Variants in CSMD3 observed in about 807,000 individuals in gnomAD.
CSMD3 encodes the protein CUB and sushi domain-containing protein 3.
Under a neutral mutation model 435.2 loss-of-function variants are expected in CSMD3, and 177 were observed. The observed-to-expected ratio is 0.41, with a 90% CI of 0.36 to 0.46. CSMD3 has a LOEUF of 0.46. CSMD3 is among the 20% of genes least tolerant of loss of function. CSMD3 has a pLI of 0.34. For synonymous variants in CSMD3, 1,656 were observed against 1,520.5 expected (o/e 1.09, Z -2.07); for missense variants, 4,265 against 4,504.6 (o/e 0.95, Z 1.52).
chr8:113,247,149 C>T (rs2093284270), intron 3 of CSMD3, among the ~76,000 whole-genome samples: 1 of 152,180 alleles, frequency 6.6e-6, no homozygotes. Flanking sequence ...TGACTAGTCT[C>T]TTGTTTGTTC....
At chr8:113,323,990 G>A (rs1260384378) in intron 1 of CSMD3, among the ~76,000 whole-genome samples, 1 of 152,110 alleles carries the variant, frequency 6.6e-6, no homozygotes, top group East Asian at 1.9e-4. Flanking sequence ...TGGTTTGGCT[G>A]TGTCCCCACC....
intron 34 of CSMD3, 130 bp downstream of exon 34, chr8:112,408,188 G>C (rs1832026780): frequency 2.8e-6 from 2 of 707,176 alleles, no homozygotes; most frequent in South Asian, 3.0e-5. Flanking sequence ...TCTAGTGATG[G>C]TGGAGGGGAC....
intron 70 of CSMD3, among the ~76,000 whole-genome samples, chr8:112,227,205 T>G (rs1435801281): frequency 6.6e-6 from 1 of 152,178 alleles, no homozygotes; most frequent in African/African-American, 2.4e-5. Flanking sequence ...GACACATTCA[T>G]CCATACAATG....
chr8:113,056,223 G>A (rs942111318), intron 5 of CSMD3, among the ~76,000 whole-genome samples: 12 of 152,228 alleles, frequency 7.9e-5, no homozygotes, highest in Middle Eastern at 3.4e-3. Flanking sequence ...CTGTCTACAC[G>A]AAAACACTTA....
At chr8:113,356,743 C>T (rs10109225) in intron 1 of CSMD3, among the ~76,000 whole-genome samples, 3,214 of 152,158 alleles carry the variant, frequency 0.021, 128 homozygotes, top group African/African-American at 0.074. Flanking sequence ...CCAAGGTACA[C>T]TTCCATTCAG....
chr8:112,752,900 C>CGTGTGTGT (rs10617885), intron 13 of CSMD3, among the ~76,000 whole-genome samples: 5 of 146,498 alleles, frequency 3.4e-5, no homozygotes, highest in African/African-American at 5.0e-5. Context: ...TTTGTTACCG[C>CGTGTGTGT]GTGTGTGTGT....
At chr8:112,682,694 T>A (rs751898505) in intron 15 of CSMD3, 58 bp from the exon 16 acceptor site, 3 of 1,145,390 alleles carry the variant, frequency 2.6e-6, no homozygotes, top group East Asian at 2.3e-5. Flanking sequence ...CAGAGAGAGA[T>A]CCTTCTATAT....
At chr8:113,083,231 C>A (rs2089634284) in intron 5 of CSMD3, among the ~76,000 whole-genome samples, 1 of 151,892 alleles carries the variant, frequency 6.6e-6, no homozygotes, top group Admixed American at 6.6e-5. Context: ...AGAGAGAATT[C>A]TAAAACAGCA....
At chr8:112,342,753 T>A (rs1388964) in intron 41 of CSMD3, among the ~76,000 whole-genome samples, 28,313 of 151,654 alleles carry the variant, frequency 0.19, 3,124 homozygotes, top group Middle Eastern at 0.35. Flanking sequence ...CTTGGACAAA[T>A]AAGCTTTGGA....
At chr8:112,961,731 T>C (rs1287735255) in intron 7 of CSMD3, among the ~76,000 whole-genome samples, 1 of 151,906 alleles carries the variant, frequency 6.6e-6, no homozygotes, top group Non-Finnish European at 1.5e-5. Flanking sequence ...TGCAAAACTA[T>C]ATAAAAAATC....
At chr8:112,295,494 G>A (rs1397863134) in intron 54 of CSMD3, among the ~76,000 whole-genome samples, 1 of 151,940 alleles carries the variant, frequency 6.6e-6, no homozygotes, top group African/African-American at 2.4e-5. Flanking sequence ...CCTTGATACA[G>A]CTACACAGTG....
At chr8:112,284,628 T>C (rs1445369912) in intron 58 of CSMD3, among the ~76,000 whole-genome samples, 1 of 151,928 alleles carries the variant, frequency 6.6e-6, no homozygotes, top group Non-Finnish European at 1.5e-5. Flanking sequence ...ATACTTTTCC[T>C]AGTGTAAGAT....
At chr8:112,916,212 G>A (rs746832760) in intron 10 of CSMD3, among the ~76,000 whole-genome samples, 19 of 151,866 alleles carry the variant, frequency 1.3e-4, no homozygotes, top group Middle Eastern at 3.4e-3. Context: ...CTGAGAGCTA[G>A]GCAAAATGTA....
chr8:113,013,115 C>T (rs946255890), intron 6 of CSMD3, among the ~76,000 whole-genome samples: 6 of 151,892 alleles, frequency 4.0e-5, no homozygotes, highest in African/African-American at 1.2e-4. Context: ...ATTTTTAAGC[C>T]TGGACTATAT....
At chr8:113,345,349 T>C (rs2094145020) in intron 1 of CSMD3, among the ~76,000 whole-genome samples, 1 of 152,168 alleles carries the variant, frequency 6.6e-6, no homozygotes, top group African/African-American at 2.4e-5. Context: ...TCTATGGAAC[T>C]GCCTTATTGC....
chr8:113,012,911 T>G (rs2131136492), intron 6 of CSMD3, among the ~76,000 whole-genome samples: 1 of 152,170 alleles, frequency 6.6e-6, no homozygotes, highest in Admixed American at 6.6e-5. Flanking sequence ...TTGAGAGTTA[T>G]AACATTAGAG....
chr8:112,734,195 T>C (rs927245188), intron 13 of CSMD3, among the ~76,000 whole-genome samples: 1 of 150,670 alleles, frequency 6.6e-6, no homozygotes, highest in Non-Finnish European at 1.5e-5. Flanking sequence ...AAGTTAAAAA[T>C]ATATATATAC....
chr8:112,415,254 G>A (rs1452184799), intron 32 of CSMD3, among the ~76,000 whole-genome samples: 7 of 152,212 alleles, frequency 4.6e-5, no homozygotes, highest in African/African-American at 1.7e-4. Flanking sequence ...CCTGCACCCA[G>A]CTGCTTCGGC....
At chr8:112,493,517 A>C (rs181505681) in intron 30 of CSMD3, among the ~76,000 whole-genome samples, 68 of 152,208 alleles carry the variant, frequency 4.5e-4, no homozygotes, top group African/African-American at 1.6e-3. Flanking sequence ...GTCATTCTCC[A>C]CATTTTTATC....
Sources: allele counts gnomAD v4.1 joint callset (sites outside exome capture counted in the v4.1 genomes callset), GRCh38; gene constraint gnomAD v4.1.1; transcripts MANE v1.5; gene names NCBI Gene and HGNC (gene_info 2026-07-23, HGNC 2026-07-21).